Variants in PDE2A observed in about 807,000 individuals in gnomAD.
PDE2A encodes phosphodiesterase 2A, also known as cGMP-dependent 3',5'-cyclic phosphodiesterase.
PDE2A carries 53 observed loss-of-function variants against 133.6 expected under a neutral mutation model. The ratio of observed to expected loss-of-function variants is 0.40; its 90% CI spans 0.32 to 0.50. The LOEUF is 0.50. Ranked by LOEUF, PDE2A falls within the 20% of genes least tolerant of loss-of-function variation. The probability of loss-of-function intolerance (pLI) is 0.73; values close to 1 mark genes in which losing one functional copy is unlikely to be tolerated. For synonymous variants in PDE2A, 491 were observed against 490.2 expected (o/e 1.00, Z -0.02); for missense variants, 796 against 1,232.4 (o/e 0.65, Z 5.30).
Position 72,597,460 on chromosome 11 carries a change from C to G in PDE2A, c.433+50G>C. ...CACATGACCTGGAGTGCAGGGGCCA[C>G]AGTCCCTCCCTGCCCCTGCCCCTGC... On this transcript the variant is annotated intron_variant, in intron 5 of 30. Coordinates refer to ENST00000334456, the MANE Select transcript of PDE2A (RefSeq NM_002599.5). This position sits in a 1 kb window ranked among gnomAD's most constrained non-coding sequence, Gnocchi z 4.6. The G allele has an allele frequency of 9.5e-7, 1 of 1,050,858 alleles. No homozygotes were observed. The highest frequency in any genetic ancestry group is 2.6e-4 in the Middle Eastern group (1 of 3,832). 65.1% of individuals were successfully genotyped at this position (1,050,858 alleles called of 1,614,324 possible). A position where few individuals can be genotyped will look rare whatever the true frequency, so the allele number is the denominator to read the frequency against.
chr11:72,664,898 C>CAA (rs1340228761), intron 1 of PDE2A, among the ~76,000 whole-genome samples: 1 of 151,944 alleles, frequency 6.6e-6, no homozygotes, highest in Non-Finnish European at 1.5e-5. Context: ...CCTCCGCCTC[C>CAA]TGGGTTCAAG....
At chr11:72,663,982 C>T (rs982686377) in intron 1 of PDE2A, among the ~76,000 whole-genome samples, 3 of 152,192 alleles carry the variant, frequency 2.0e-5, no homozygotes, top group Non-Finnish European at 4.4e-5. Flanking sequence ...GCTCCCTTGC[C>T]CCCTGGCATC....
Position 72,657,891 on chromosome 11 carries a change from G to A in PDE2A, c.72-15565C>T, listed in dbSNP as rs1224569994. On this transcript the variant is annotated intron_variant, in intron 1 of 30. Transcript: ENST00000334456. Reference sequence around the variant, plus strand: ...GTCCAACTGCAGAGGCAGCCTCAGTGAAGGCCATGATGGGAGCCTCCCACC... The same window carrying A: ...GTCCAACTGCAGAGGCAGCCTCAGTAAAGGCCATGATGGGAGCCTCCCACC... 11 of 456,200 alleles carry A rather than the reference G, an allele frequency of 2.4e-5. No individual in the cohort carries two copies. In the East Asian group the frequency reaches 6.3e-4, roughly 26 times the overall value. The allele number at this position is 456,200 out of a possible 1,614,324, so 28.3% of individuals were successfully genotyped here. A position where few individuals can be genotyped will look rare whatever the true frequency, so the allele number is the denominator to read the frequency against.
intron 2 of PDE2A, among the ~76,000 whole-genome samples, chr11:72,628,573 C>A (rs549540344): frequency 2.0e-5 from 3 of 152,316 alleles, no homozygotes; most frequent in East Asian, 3.9e-4. Context: ...TTGTGATCCA[C>A]CTGCCTTGGC....
chr11:72,674,278 A>T lies in PDE2A; in HGVS notation c.-71T>A, dbSNP rs1436350565. ...GCCCTGTCCCCGCTGCCTGGAGTTCAGGGCAGGGCACCCCCAGCAGGCACA... is the reference window on the plus strand; with the variant it reads ...GCCCTGTCCCCGCTGCCTGGAGTTCTGGGCAGGGCACCCCCAGCAGGCACA... On this transcript the variant is annotated 5_prime_UTR_variant, in exon 1 of 31. Coordinates refer to ENST00000334456, the MANE Select transcript of PDE2A (RefSeq NM_002599.5). 2.6e-5 allele frequency: 39 copies of T among 1,478,692 alleles called. 1 individual carries two copies. The highest frequency in any genetic ancestry group is 2.3e-5 in the Non-Finnish European group (25 of 1,089,688). The allele number at this position is 1,478,692 out of a possible 1,614,324, so 91.6% of individuals were successfully genotyped here. A position where few individuals can be genotyped will look rare whatever the true frequency, so the allele number is the denominator to read the frequency against.
intron 1 of PDE2A, among the ~76,000 whole-genome samples, chr11:72,660,104 G>C (rs949733434): frequency 3.9e-5 from 6 of 152,154 alleles, no homozygotes; most frequent in African/African-American, 1.4e-4. Context: ...GGGCACAAGG[G>C]AAGTTTGCCA....
intron 2 of PDE2A, 103 bp from the exon 3 acceptor site, chr11:72,608,854 C>A (rs569084404): frequency 1.5e-6 from 1 of 671,542 alleles, no homozygotes; most frequent in East Asian, 2.7e-5. Context: ...AGTCCAGAGC[C>A]CGAGTCTTTC....
chr11:72,586,800 C>T (rs919890915), intron 13 of PDE2A, among the ~76,000 whole-genome samples: 1 of 152,196 alleles, frequency 6.6e-6, no homozygotes, highest in Non-Finnish European at 1.5e-5. Flanking sequence ...TGCCTTAGCC[C>T]ACATCACGCT....
chr11:72,598,737 C>T (rs1435331749), intron 4 of PDE2A: 2 of 1,248,502 alleles, frequency 1.6e-6, no homozygotes, highest in Admixed American at 5.2e-5. Context: ...AGACTCTAGA[C>T]AAATCGAGGA....
At chr11:72,628,378 T>C (rs1194687897) in intron 2 of PDE2A, among the ~76,000 whole-genome samples, 3 of 150,834 alleles carry the variant, frequency 2.0e-5, no homozygotes, top group African/African-American at 7.3e-5. Context: ...TCACCCAGGC[T>C]GAAGTGCAGT....
chr11:72,649,656 G>T lies in PDE2A; in HGVS notation c.72-7330C>A, dbSNP rs547823711. ...CTCTGCCCCATCTGAACCCCTTTCT[G>T]GAGTCACTCTAGCCATTCAGCCCCT... On this transcript the variant is annotated intron_variant, in intron 1 of 30. Coordinates refer to ENST00000334456, the MANE Select transcript of PDE2A (RefSeq NM_002599.5). Among the ~76,000 whole-genome samples, 5 of 152,272 alleles carry T rather than the reference G, an allele frequency of 3.3e-5. No homozygotes were observed. The South Asian group carries it at 1.0e-3, about 32-fold the overall frequency.
chr11:72,625,634 G>A (rs137955811), intron 2 of PDE2A, among the ~76,000 whole-genome samples: 1 of 152,302 alleles, frequency 6.6e-6, no homozygotes, highest in Non-Finnish European at 1.5e-5. Flanking sequence ...GAAGAAGAAA[G>A]GAACATGAGA....
At position 72,597,887 on chromosome 11, in the gene PDE2A, G is replaced by A. The variant is rs1214259579; in HGVS notation, c.324-268C>T. Among the ~76,000 whole-genome samples the A allele has an allele frequency of 6.6e-6, 1 of 152,162 alleles. No homozygotes were observed. The highest frequency in any genetic ancestry group is 1.5e-5 in the Non-Finnish European group (1 of 68,032). ...CCCAGTGCAGATCTTCCAGGCAGTG[G>A]GAGAGCAGAGGAAGTGAATGCAGGG... On this transcript the variant is annotated intron_variant, in intron 4 of 30. Coordinates refer to ENST00000334456, the MANE Select transcript of PDE2A (RefSeq NM_002599.5). This position sits in a 1 kb window ranked among gnomAD's most constrained non-coding sequence, Gnocchi z 4.6.
At chr11:72,593,311 C>T (rs907381702) in intron 6 of PDE2A, among the ~76,000 whole-genome samples, 3 of 152,112 alleles carry the variant, frequency 2.0e-5, no homozygotes, top group African/African-American at 7.2e-5. Context: ...TACCCAAAAG[C>T]CATGCACATG....
At chr11:72,645,398 C>T (rs777235570) in intron 1 of PDE2A, among the ~76,000 whole-genome samples, 14 of 152,210 alleles carry the variant, frequency 9.2e-5, no homozygotes, top group Non-Finnish European at 1.5e-4. Context: ...CCAACCAGCA[C>T]CCTTCCTGAG....
chr11:72,669,365 AG>A (rs1855330107), intron 1 of PDE2A, among the ~76,000 whole-genome samples: 2 of 152,060 alleles, frequency 1.3e-5, no homozygotes, highest in African/African-American at 2.4e-5. Flanking sequence ...TGCTGCACCA[AG>A]CCCCAGTTGC....
chr11:72,628,243 C>T (rs1454268496), intron 2 of PDE2A, among the ~76,000 whole-genome samples: 7 of 152,250 alleles, frequency 4.6e-5, no homozygotes, highest in Non-Finnish European at 1.0e-4. Flanking sequence ...GCGCCGGGCA[C>T]CCCACACATA....
In PDE2A at chr11:72,608,894, T is replaced by A; in HGVS notation, c.145-143A>T. 5 of 626,700 alleles carry A rather than the reference T, an allele frequency of 8.0e-6. 1 individual carries two copies. 38.8% of individuals were successfully genotyped at this position (626,700 alleles called of 1,614,324 possible). On this transcript the variant is annotated intron_variant, in intron 2 of 30. Coordinates refer to ENST00000334456, the MANE Select transcript of PDE2A (RefSeq NM_002599.5). ...ACAGGAATCCCAGGATCTTAGGATC[T>A]CAAAATCAAACAGTCTTAAGGCCAC...
At chr11:72,630,920 G>C (rs139427807) in intron 2 of PDE2A, among the ~76,000 whole-genome samples, 1 of 151,990 alleles carries the variant, frequency 6.6e-6, no homozygotes, top group Non-Finnish European at 1.5e-5. Context: ...GAGGGGAGAT[G>C]GTCTTGATAT....
Sources: allele counts gnomAD v4.1 joint callset (sites outside exome capture counted in the v4.1 genomes callset), GRCh38; gene constraint gnomAD v4.1.1; non-coding constraint Gnocchi (gnomAD v3.1); transcripts MANE v1.5; gene names NCBI Gene and HGNC (gene_info 2026-07-23, HGNC 2026-07-21).